Variants in CBR4 observed in about 807,000 individuals in gnomAD.
CBR4 encodes carbonyl reductase 4.
In CBR4, 22 loss-of-function variants were observed where a neutral mutation model predicts 21.0. The ratio of observed to expected loss-of-function variants is 1.05; its 90% CI spans 0.75 to 1.50. The LOEUF is 1.50. CBR4 is among the 40% of genes most tolerant of loss of function. CBR4 has a pLI of 0.00. For missense variants in CBR4, 302 were observed against 286.3 expected (o/e 1.05, Z -0.40); for synonymous variants, 100 against 104.4 (o/e 0.96, Z 0.26).
chr4:168,972,745 T>C (rs1357086279), intron 2 of CBR4, among the ~76,000 whole-genome samples: 1 of 152,230 alleles, frequency 6.6e-6, no homozygotes, highest in Non-Finnish European at 1.5e-5. Flanking sequence ...TTTGACTTCC[T>C]CTTTACCAAT....
chr4:168,920,377 A>C (rs1015447929), intron 2 of CBR4, among the ~76,000 whole-genome samples: 1 of 152,182 alleles, frequency 6.6e-6, no homozygotes, highest in African/African-American at 2.4e-5. Flanking sequence ...ATATCAGTTG[A>C]GTATCACGTA....
At chr4:168,896,793 T>C (rs1378272515) in intron 2 of CBR4, among the ~76,000 whole-genome samples, 2 of 152,146 alleles carry the variant, frequency 1.3e-5, no homozygotes, top group African/African-American at 4.8e-5. Flanking sequence ...ATTTACCAGC[T>C]TGAATTTATT....
chr4:168,942,860 T>C (rs1763301120), intron 2 of CBR4, among the ~76,000 whole-genome samples: 1 of 151,984 alleles, frequency 6.6e-6, no homozygotes, highest in Non-Finnish European at 1.5e-5. Context: ...CCAACTAATA[T>C]ATGAAAAAAT....
At chr4:168,945,737 T>G (rs1247424777) in intron 2 of CBR4, among the ~76,000 whole-genome samples, 1 of 152,240 alleles carries the variant, frequency 6.6e-6, no homozygotes, top group Non-Finnish European at 1.5e-5. Context: ...TAAATGGCAC[T>G]GCTGGGATTT....
Position 169,007,629 on chromosome 4 carries a change from G to A in CBR4, c.263+7C>T, listed in dbSNP as rs749938209. On this transcript the variant is annotated splice_region_variant and intron_variant, in intron 2 of 4. Coordinates refer to ENST00000306193, the MANE Select transcript of CBR4 (RefSeq NM_032783.5). ...ATATAAGAAACTTATTTAAATCTGT[G>A]ACCAACCTGTTAATACCAGCTGCAT... 1 of 1,526,334 alleles carries A rather than the reference G, an allele frequency of 6.6e-7. No homozygotes were observed. Among genetic ancestry groups the A allele is most frequent in the Non-Finnish European group, 8.8e-7 (1 of 1,141,494 alleles). The allele number at this position is 1,526,334 out of a possible 1,614,324, so 94.5% of individuals were successfully genotyped here.
At chr4:168,923,327 C>G (rs1761952401) in intron 2 of CBR4, among the ~76,000 whole-genome samples, 1 of 152,198 alleles carries the variant, frequency 6.6e-6, no homozygotes, top group Non-Finnish European at 1.5e-5. Context: ...GTAGAATTTT[C>G]ATCCTTTTTG....
rs1332118328 is a variant in CBR4 at position 168,903,703 on chromosome 4, A to G, written n.170-8938T>C. The G allele has an allele frequency of 6.2e-6, 9 of 1,440,734 alleles. No homozygotes were observed. The South Asian group carries it at 6.9e-5, about 11-fold the overall frequency. The allele number at this position is 1,440,734 out of a possible 1,614,324, so 89.2% of individuals were successfully genotyped here. ...CACTGTTACTATTTTCAGTTCTCCA[A>G]ATAGAGTAGGAATACACAAACTCCT... On this transcript the variant is annotated intron_variant and non_coding_transcript_variant, in intron 2 of 3. Transcript: ENST00000509108.
intron 2 of CBR4, among the ~76,000 whole-genome samples, chr4:168,972,874 T>A (rs539175856): frequency 6.6e-6 from 1 of 152,322 alleles, no homozygotes; most frequent in South Asian, 2.1e-4. Context: ...GGAAATACTT[T>A]AAACGCTTCC....
chr4:168,955,844 C>T (rs1051272010), intron 2 of CBR4, among the ~76,000 whole-genome samples: 1 of 152,110 alleles, frequency 6.6e-6, no homozygotes, highest in Non-Finnish European at 1.5e-5. Context: ...AGGGATTAAT[C>T]TGAGCTCAGT....
chr4:168,997,941 T>C (rs1379840), intron 4 of CBR4, among the ~76,000 whole-genome samples: 107,047 of 152,046 alleles, frequency 0.7, 38,986 homozygotes, highest in East Asian at 0.96. Context: ...AGATTTTAAC[T>C]AGAACAAATT....
At chr4:168,971,242 CAT>C (rs199911074) in intron 2 of CBR4, among the ~76,000 whole-genome samples, 3,813 of 151,862 alleles carry the variant, frequency 0.025, 161 homozygotes, top group African/African-American at 0.087. Context: ...AGCATTTTTT[CAT>C]ATGTTTCTTG....
chr4:168,970,238 T>C (rs149983245), intron 2 of CBR4, among the ~76,000 whole-genome samples: 273 of 152,316 alleles, frequency 1.8e-3, no homozygotes, highest in African/African-American at 6.3e-3. Context: ...TTAATTTTAA[T>C]ATAGTCAATT....
chr4:168,957,069 A>G (rs1763709280), intron 2 of CBR4, among the ~76,000 whole-genome samples: 1 of 152,182 alleles, frequency 6.6e-6, no homozygotes, highest in South Asian at 2.1e-4. Flanking sequence ...CTTAAATAAT[A>G]TGTGCGTCAG....
Position 168,948,285 on chromosome 4 carries a change from A to G in CBR4, n.170-53520T>C, listed in dbSNP as rs906397913. 9.2e-5 allele frequency among the ~76,000 whole-genome samples: 14 copies of G among 152,278 alleles called. 1 individual carries two copies. The highest frequency in any genetic ancestry group is 2.1e-4 in the South Asian group (1 of 4,830). ...TGGATATTAGTCCTTTGTCAGATGT[A>G]TACATTGTGAAGATTTTCTCCCACT... On this transcript the variant is annotated intron_variant and non_coding_transcript_variant, in intron 2 of 3. Coordinates refer to the CBR4 transcript ENST00000509108.
intron 2 of CBR4, among the ~76,000 whole-genome samples, chr4:168,948,386 T>C (rs1280281139): frequency 6.6e-6 from 1 of 152,210 alleles, no homozygotes; most frequent in Non-Finnish European, 1.5e-5. Flanking sequence ...CCCAGCTATT[T>C]ATCTTTGTTT....
chr4:168,983,429 C>T (rs941874679), downstream of CBR4, among the ~76,000 whole-genome samples: 1 of 151,916 alleles, frequency 6.6e-6, no homozygotes, highest in Admixed American at 6.6e-5. Context: ...AAAAATCCTA[C>T]CAGCTAGAAA....
At chr4:168,959,431 C>T (rs138220364) in intron 2 of CBR4, among the ~76,000 whole-genome samples, 1 of 152,062 alleles carries the variant, frequency 6.6e-6, no homozygotes, top group African/African-American at 2.4e-5. Flanking sequence ...GTCTTGATTA[C>T]TGTCACATCA....
chr4:168,979,352 G>A (rs1312659976), intron 2 of CBR4, among the ~76,000 whole-genome samples: 4 of 151,910 alleles, frequency 2.6e-5, no homozygotes, highest in Non-Finnish European at 5.9e-5. Flanking sequence ...GACTATCACA[G>A]GCCCCCAGCA....
intron 4 of CBR4, among the ~76,000 whole-genome samples, chr4:168,995,771 C>T (rs149083562): frequency 6.6e-6 from 1 of 152,066 alleles, no homozygotes; most frequent in Non-Finnish European, 1.5e-5. Flanking sequence ...GAGAGTTAGA[C>T]GTTTCCAGTT....
Sources: allele counts gnomAD v4.1 joint callset (sites outside exome capture counted in the v4.1 genomes callset), GRCh38; gene constraint gnomAD v4.1.1; transcripts MANE v1.5; gene names NCBI Gene and HGNC (gene_info 2026-07-23, HGNC 2026-07-21).